Variants in AFAP1 observed in about 807,000 individuals in gnomAD.
AFAP1 encodes actin filament associated protein 1.
AFAP1 carries 75 observed loss-of-function variants against 93.9 expected under a neutral mutation model. The ratio of observed to expected loss-of-function variants is 0.80; its 90% CI spans 0.66 to 0.97. The LOEUF (loss-of-function observed/expected upper bound fraction) is 0.97, where lower values mean the gene tolerates loss of function less well. Among genes scored for constraint, AFAP1 ranks in the 50% least tolerant of loss-of-function variants. The pLI is 0.00. For synonymous variants in AFAP1, 517 were observed against 430.7 expected (o/e 1.20, Z -2.48); for missense variants, 1,201 against 1,050.8 (o/e 1.14, Z -1.98).
chr4:7,862,598 T>C (rs939813599), intron 3 of AFAP1, among the ~76,000 whole-genome samples: 32 of 152,312 alleles, frequency 2.1e-4, no homozygotes, highest in African/African-American at 6.7e-4. Flanking sequence ...AAATTTTATG[T>C]TACGGATATT....
intron 1 of AFAP1, among the ~76,000 whole-genome samples, chr4:7,884,113 C>T (rs754722794): frequency 6.6e-6 from 1 of 152,104 alleles, no homozygotes; most frequent in African/African-American, 2.4e-5. Context: ...GGGCAACTCC[C>T]CCACTCCCTC....
At chr4:7,871,752 C>T (rs548988134) in intron 2 of AFAP1, among the ~76,000 whole-genome samples, 200 bp downstream of exon 2, 2 of 152,352 alleles carry the variant, frequency 1.3e-5, no homozygotes, top group African/African-American at 2.4e-5. Flanking sequence ...CCATTAGCTC[C>T]TTCAAAGCTT....
chr4:7,895,463 A>T (rs1718709331), intron 1 of AFAP1, among the ~76,000 whole-genome samples: 1 of 152,172 alleles, frequency 6.6e-6, no homozygotes, highest in Non-Finnish European at 1.5e-5. Context: ...TTAACCAAAG[A>T]TAATCTGTAA....
At chr4:7,895,402 T>TA (rs35378109) in intron 1 of AFAP1, among the ~76,000 whole-genome samples, 19,201 of 152,152 alleles carry the variant, frequency 0.13, 1,409 homozygotes, top group Non-Finnish European at 0.17. Context: ...AAGATTTTTT[T>TA]AAAAAAAGCT....
At chr4:7,834,571 G>A (rs1411759864) in intron 6 of AFAP1, among the ~76,000 whole-genome samples, 1 of 152,228 alleles carries the variant, frequency 6.6e-6, no homozygotes, top group African/African-American at 2.4e-5. Context: ...CTTTCCGAAA[G>A]CATAAGGCAG....
chr4:7,852,252 C>T (rs1714522811), intron 4 of AFAP1, among the ~76,000 whole-genome samples: 1 of 152,164 alleles, frequency 6.6e-6, no homozygotes, highest in Non-Finnish European at 1.5e-5. Context: ...CCCACTATTA[C>T]CCCCAGTGAC....
rs1286497707 is a variant in AFAP1, at chr4:7,761,834, G to C, written c.*1931C>G. The C allele has an allele frequency of 6.6e-6, 1 of 152,278 alleles. No individual in the cohort carries two copies. The highest frequency in any genetic ancestry group is 1.5e-5 in the Non-Finnish European group (1 of 68,080). 9.4% of individuals were successfully genotyped at this position (152,278 alleles called of 1,614,324 possible). A position where few individuals can be genotyped will look rare whatever the true frequency, so the allele number is the denominator to read the frequency against. ...CCTGCAATGGTGGGAAGTGACCACT[G>C]GAGGGAGGGCTCCTCTATGGCAATG... On this transcript the variant is annotated 3_prime_UTR_variant, in exon 18 of 18. Transcript: ENST00000420658.
intron 1 of AFAP1, among the ~76,000 whole-genome samples, chr4:7,883,889 C>A (rs997185891): frequency 6.6e-6 from 1 of 152,176 alleles, no homozygotes; most frequent in Non-Finnish European, 1.5e-5. Context: ...CAATTCTCCC[C>A]AAGTTAACAA....
At chr4:7,905,036 G>A (rs1719322577) in intron 1 of AFAP1, among the ~76,000 whole-genome samples, 1 of 152,166 alleles carries the variant, frequency 6.6e-6, no homozygotes, top group Non-Finnish European at 1.5e-5. Flanking sequence ...CAAAATCAGA[G>A]CAGTGAGCAG....
intron 2 of AFAP1, among the ~76,000 whole-genome samples, chr4:7,871,203 G>T (rs1019827650): frequency 6.6e-6 from 1 of 152,146 alleles, no homozygotes; most frequent in South Asian, 2.1e-4. Flanking sequence ...AATGTAGCAG[G>T]CCCAAAGCTG....
chr4:7,855,660 C>A (rs1473089914), intron 3 of AFAP1, 86 bp from the exon 4 acceptor site: 4 of 1,070,348 alleles, frequency 3.7e-6, no homozygotes, highest in African/African-American at 3.1e-5. Context: ...TGTGGCCAGT[C>A]TTTTCCTCTT....
At chr4:7,865,220 T>C (rs1266606132) in intron 3 of AFAP1, among the ~76,000 whole-genome samples, 1 of 152,162 alleles carries the variant, frequency 6.6e-6, no homozygotes, top group East Asian at 1.9e-4. Context: ...ACAGTGATTT[T>C]TATAGCAATT....
intron 11 of AFAP1, among the ~76,000 whole-genome samples, chr4:7,791,455 G>T (rs1466623494): frequency 1.3e-5 from 2 of 152,142 alleles, no homozygotes; most frequent in East Asian, 3.8e-4. Flanking sequence ...TGTCCAAATT[G>T]TTCTAATTAG....
At chr4:7,859,767 A>G (rs958290813) in intron 3 of AFAP1, among the ~76,000 whole-genome samples, 3 of 152,204 alleles carry the variant, frequency 2.0e-5, no homozygotes, top group African/African-American at 4.8e-5. Context: ...GTGGGCTTAC[A>G]GTACTGGCCG....
chr4:7,822,472 C>G (rs1721047639), intron 6 of AFAP1, among the ~76,000 whole-genome samples: 1 of 152,048 alleles, frequency 6.6e-6, no homozygotes, highest in South Asian at 2.1e-4. Flanking sequence ...CTGACATGCT[C>G]TTCATTTTAC....
chr4:7,871,826 T>A, intron 2 of AFAP1, 126 bp downstream of exon 2: 2 of 1,331,344 alleles, frequency 1.5e-6, no homozygotes, highest in Non-Finnish European at 2.1e-6. Flanking sequence ...AATGAAAACT[T>A]GATGAATAAA....
At chr4:7,856,714 A>C (rs946537886) in intron 3 of AFAP1, among the ~76,000 whole-genome samples, 1 of 152,160 alleles carries the variant, frequency 6.6e-6, no homozygotes, top group South Asian at 2.1e-4. Flanking sequence ...TGACGGCTCT[A>C]ATCCACCCCA....
intron 16 of AFAP1, among the ~76,000 whole-genome samples, chr4:7,769,733 T>G (rs1327342810): frequency 6.6e-6 from 1 of 152,152 alleles, no homozygotes; most frequent in African/African-American, 2.4e-5. Context: ...TGCCAAAATG[T>G]GTTTGTTATG....
chr4:7,938,473 T>C (rs1194367108), intron 1 of AFAP1, among the ~76,000 whole-genome samples: 1 of 152,182 alleles, frequency 6.6e-6, no homozygotes, highest in Non-Finnish European at 1.5e-5. Flanking sequence ...GTGATTCCAC[T>C]TTCTTTGGTG....
Sources: gnomAD v4.1 joint callset for allele counts (sites outside exome capture counted in the v4.1 genomes callset) on GRCh38, gnomAD v4.1.1 for gene constraint, MANE v1.5 for transcripts, NCBI Gene and HGNC (gene_info 2026-07-23, HGNC 2026-07-21) for gene names.